Variants in SLC25A26 observed in about 807,000 individuals in gnomAD.
SLC25A26 encodes mitochondrial S-adenosylmethionine carrier protein.
A neutral mutation model predicts 37.8 loss-of-function variants in SLC25A26; 36 were observed. The ratio of observed to expected loss-of-function variants is 0.95; its 90% confidence interval spans 0.73 to 1.26. The LOEUF is 1.26. Ranked by LOEUF, SLC25A26 falls within the 50% of genes most tolerant of loss-of-function variation. The pLI is 0.00. For synonymous variants in SLC25A26, 129 were observed against 122.5 expected, an observed-to-expected ratio of 1.05 and a Z score of -0.35; for missense variants, 390 against 331.1, an observed-to-expected ratio of 1.18 and a Z score of -1.38.
chr3:66,186,466 CTTAA>C (rs1164300983), intron 1 of SLC25A26, among the ~76,000 whole-genome samples: 2 of 151,924 alleles, frequency 1.3e-5, no homozygotes, highest in African/African-American at 4.8e-5. Context: ...TCAACCTCAC[CTTAA>C]TCATCACTCT....
chr3:66,365,316 T>G (rs569133320), intron 7 of SLC25A26, among the ~76,000 whole-genome samples: 1 of 152,238 alleles, frequency 6.6e-6, no homozygotes, highest in South Asian at 2.1e-4. Flanking sequence ...TGGCACTCTT[T>G]CTTGTTCATG....
At chr3:66,288,004 A>G (rs911883253) in intron 5 of SLC25A26, among the ~76,000 whole-genome samples, 7 of 152,230 alleles carry the variant, frequency 4.6e-5, no homozygotes, top group African/African-American at 1.7e-4. Context: ...ACCAGAAAAC[A>G]TTTATAGAGT....
rs551731754 is a variant in SLC25A26, at chr3:66,296,813, A to G, written c.453+33434A>G. Among the ~76,000 whole-genome samples the G allele has an allele frequency of 5.3e-5, 8 of 152,362 alleles. No homozygotes were observed. In the South Asian group the frequency reaches 1.0e-3, roughly 20 times the overall value. On this transcript the variant is annotated intron_variant, in intron 5 of 9. Coordinates refer to ENST00000354883, the MANE Select transcript of SLC25A26 (RefSeq NM_001379210.1). ...GGGAAGAATTTTTTTAACGAATGGC[A>G]TAAAATGGATTGCAGATGGGATGAG...
At chr3:66,374,872 C>G (rs1016802531) in intron 9 of SLC25A26, among the ~76,000 whole-genome samples, 118 of 124,268 alleles carry the variant, frequency 9.5e-4, no homozygotes, top group Admixed American at 8.6e-4. Flanking sequence ...CAGCAAGACC[C>G]TATCTCAAAA....
intron 1 of SLC25A26, among the ~76,000 whole-genome samples, chr3:66,211,909 A>G (rs2071288970): frequency 6.6e-6 from 1 of 152,170 alleles, no homozygotes; most frequent in Admixed American, 6.5e-5. Context: ...AACCATCACT[A>G]CTATAGATCT....
intron 1 of SLC25A26, among the ~76,000 whole-genome samples, chr3:66,163,380 C>T (rs1217050755): frequency 2.6e-5 from 4 of 152,128 alleles, no homozygotes; most frequent in African/African-American, 9.7e-5. Context: ...GGTTGTTTTT[C>T]CAACCACTTT....
chr3:66,368,222 C>T (rs1048961834), intron 7 of SLC25A26, among the ~76,000 whole-genome samples: 2 of 152,278 alleles, frequency 1.3e-5, no homozygotes, highest in Non-Finnish European at 2.9e-5. Flanking sequence ...TCCTGTTGCC[C>T]TTATAACACT....
intron 1 of SLC25A26, among the ~76,000 whole-genome samples, chr3:66,193,674 C>T (rs1467417831): frequency 6.6e-6 from 1 of 151,742 alleles, no homozygotes; most frequent in Non-Finnish European, 1.5e-5. Flanking sequence ...AAAACTTACA[C>T]CAATTAAATG....
At chr3:66,200,166 A>T (rs1274870594) in intron 1 of SLC25A26, among the ~76,000 whole-genome samples, 2 of 152,234 alleles carry the variant, frequency 1.3e-5, no homozygotes, top group African/African-American at 4.8e-5. Context: ...TTGGCAAATT[A>T]TCCCTATGGC....
At chr3:66,231,896 C>T (rs975451092) in intron 1 of SLC25A26, among the ~76,000 whole-genome samples, 1 of 151,984 alleles carries the variant, frequency 6.6e-6, no homozygotes, top group Non-Finnish European at 1.5e-5. Context: ...CTCAGCCTCC[C>T]AGCAGCTAGG....
intron 5 of SLC25A26, among the ~76,000 whole-genome samples, chr3:66,271,094 T>G (rs1045224905): frequency 2.0e-5 from 3 of 152,186 alleles, no homozygotes; most frequent in Admixed American, 2.0e-4. Flanking sequence ...AAATTATCTG[T>G]TAATTCTTTA....
chr3:66,220,886 A>C (rs2071452998), upstream of SLC25A26: 1 of 614,594 alleles, frequency 1.6e-6, no homozygotes, highest in African/African-American at 1.9e-5. Flanking sequence ...ACTTAGCTCC[A>C]CCACACTCCC....
chr3:66,346,293 C>A, intron 5 of SLC25A26, 71 bp from the exon 6 acceptor site: 1 of 695,504 alleles, frequency 1.4e-6, no homozygotes, highest in South Asian at 2.1e-5. Context: ...TATTTACAGG[C>A]TCGTATAGTC....
chr3:66,296,257 T>G (rs542142305), intron 5 of SLC25A26, among the ~76,000 whole-genome samples: 2 of 152,244 alleles, frequency 1.3e-5, no homozygotes, highest in African/African-American at 4.8e-5. Context: ...AAATTAAATT[T>G]GGGAATTTTT....
intron 6 of SLC25A26, among the ~76,000 whole-genome samples, chr3:66,361,784 T>G (rs113577305): frequency 0.05 from 7,617 of 152,084 alleles, 618 homozygotes; most frequent in African/African-American, 0.17. Context: ...GCCAACATGG[T>G]GAAACCCCGT....
chr3:66,291,783 T>TG (rs2074718739), intron 5 of SLC25A26, among the ~76,000 whole-genome samples: 1 of 152,196 alleles, frequency 6.6e-6, no homozygotes, highest in Non-Finnish European at 1.5e-5. Context: ...TCTTTTGATT[T>TG]GGGGTGGAGA....
intron 5 of SLC25A26, among the ~76,000 whole-genome samples, chr3:66,308,983 G>A (rs1272804719): frequency 6.6e-6 from 1 of 152,102 alleles, no homozygotes; most frequent in African/African-American, 2.4e-5. Context: ...CAGGGATCTT[G>A]GCCTGAAATT....
chr3:66,170,794 T>TTG (rs2106731189), intron 1 of SLC25A26, among the ~76,000 whole-genome samples: 3 of 91,044 alleles, frequency 3.3e-5, no homozygotes, highest in African/African-American at 1.6e-4. Context: ...GATTATTGTT[T>TTG]TTTTTTTTTT....
At chr3:66,194,576 A>G (rs1289908943) in intron 1 of SLC25A26, among the ~76,000 whole-genome samples, 2 of 152,048 alleles carry the variant, frequency 1.3e-5, no homozygotes, top group African/African-American at 2.4e-5. Flanking sequence ...TCTAAAATCA[A>G]CCCTCTCTAG....
Sources: allele counts gnomAD v4.1 joint callset (sites outside exome capture counted in the v4.1 genomes callset), GRCh38; gene constraint gnomAD v4.1.1; transcripts MANE v1.5; gene names NCBI Gene and HGNC (gene_info 2026-07-23, HGNC 2026-07-21).